PLEKHM3: variants seen among roughly 807,000 people sequenced by gnomAD.
The protein encoded by PLEKHM3 is pleckstrin homology domain-containing family M member 3.
Under a neutral mutation model 81.8 loss-of-function variants are expected in PLEKHM3, and 45 were observed. The ratio of observed to expected loss-of-function variants is 0.55; its 90% CI spans 0.43 to 0.71. The LOEUF is 0.71. Ranked by LOEUF, PLEKHM3 falls within the 30% of genes least tolerant of loss-of-function variation. PLEKHM3 has a pLI of 0.00. For synonymous variants in PLEKHM3, 352 were observed against 356.4 expected, an observed-to-expected ratio of 0.99 and a Z score of 0.14; for missense variants, 788 against 924.3, an observed-to-expected ratio of 0.85 and a Z score of 1.91.
At chr2:208,015,328 G>A (rs967372016) in intron 1 of PLEKHM3, among the ~76,000 whole-genome samples, 1 of 152,266 alleles carries the variant, frequency 6.6e-6, no homozygotes, top group South Asian at 2.1e-4. Flanking sequence ...TAAAATTTTA[G>A]TACATGAACA....
intron 5 of PLEKHM3, among the ~76,000 whole-genome samples, chr2:207,930,116 A>G (rs1689538308): frequency 6.6e-6 from 1 of 152,200 alleles, no homozygotes; most frequent in Admixed American, 6.5e-5. Flanking sequence ...AACTTTAAGG[A>G]TCTGAGCCTG....
At chr2:207,838,023 C>T (rs561576123) in intron 7 of PLEKHM3, among the ~76,000 whole-genome samples, 3 of 152,006 alleles carry the variant, frequency 2.0e-5, no homozygotes, top group African/African-American at 4.8e-5. Context: ...CCGCCCGCCT[C>T]GGCCTCCCAA....
At chr2:207,970,115 C>T (rs1691060926) in intron 3 of PLEKHM3, among the ~76,000 whole-genome samples, 1 of 152,208 alleles carries the variant, frequency 6.6e-6, no homozygotes, top group Middle Eastern at 3.4e-3. Context: ...TCCTACAATT[C>T]TAATTGCCCT....
At chr2:207,941,915 A>G (rs1236025234) in intron 4 of PLEKHM3, among the ~76,000 whole-genome samples, 1 of 152,254 alleles carries the variant, frequency 6.6e-6, no homozygotes, top group Non-Finnish European at 1.5e-5. Flanking sequence ...CCACAATGAG[A>G]TATCATCTTA....
chr2:207,945,913 C>T (rs1240919680), intron 4 of PLEKHM3, among the ~76,000 whole-genome samples: 1 of 148,418 alleles, frequency 6.7e-6, no homozygotes, highest in Non-Finnish European at 1.5e-5. Context: ...AAAAAAAAAG[C>T]CGACACAAAC....
intron 5 of PLEKHM3, among the ~76,000 whole-genome samples, chr2:207,914,639 G>A (rs1688924198): frequency 6.7e-6 from 1 of 150,002 alleles, no homozygotes; most frequent in Non-Finnish European, 1.5e-5. Flanking sequence ...CCATGATCAT[G>A]CCACTGTAGT....
At chr2:208,009,707 C>A (rs554692783) in intron 1 of PLEKHM3, among the ~76,000 whole-genome samples, 1 of 152,228 alleles carries the variant, frequency 6.6e-6, no homozygotes, top group South Asian at 2.1e-4. Flanking sequence ...CTCACTGGGC[C>A]TAGAACTGTG....
Position 207,976,963 on chromosome 2 carries a change from C to G in PLEKHM3, c.1234G>C (p.Ala412Pro). The stretch of plus-strand genomic sequence containing the variant: ...CCATCCAGGTTGTCCATCTGGACAG[C>G]CAGACACACGTCCACGTTGTAGCTC... ...LLSYNVDVCL[A>P]VQMDNLDGCD... is the part of the protein sequence containing the mutation. The change falls in exon 3 of 8, where the codon GCT (alanine) becomes CCT (proline). Residue 412 changes from alanine to proline, a missense_variant. Ala to Pro is a conservative substitution (Grantham distance 27, BLOSUM62 -1). Coordinates refer to ENST00000427836, the MANE Select transcript of PLEKHM3 (RefSeq NM_001080475.3). This position sits in a 1 kb window ranked among gnomAD's most constrained non-coding sequence, Gnocchi z 4.1. 12 of 1,614,194 alleles carry G rather than the reference C, an allele frequency of 7.4e-6. No homozygotes were observed. Among genetic ancestry groups the G allele is most frequent in the Non-Finnish European group, 9.3e-6 (11 of 1,180,024 alleles).
At chr2:207,865,176 A>C (rs2092488761) in intron 6 of PLEKHM3, among the ~76,000 whole-genome samples, 1 of 152,230 alleles carries the variant, frequency 6.6e-6, no homozygotes, top group Non-Finnish European at 1.5e-5. Flanking sequence ...GTAAGAATCA[A>C]ACTGGAACTT....
chr2:207,935,595 C>A (rs1002270573), intron 4 of PLEKHM3, among the ~76,000 whole-genome samples: 3 of 152,174 alleles, frequency 2.0e-5, no homozygotes, highest in Non-Finnish European at 4.4e-5. Context: ...TTGAGAAACA[C>A]TGAACTAATC....
At chr2:207,875,817 AAACAACAAC>A (rs368508005) in intron 6 of PLEKHM3, among the ~76,000 whole-genome samples, 3 of 151,896 alleles carry the variant, frequency 2.0e-5, no homozygotes, top group Non-Finnish European at 2.9e-5. Context: ...TAAAAAAAGC[AAACAACAAC>A]AACAACAACA....
intron 2 of PLEKHM3, among the ~76,000 whole-genome samples, chr2:207,984,557 T>A (rs1026417583): frequency 6.6e-6 from 1 of 152,202 alleles, no homozygotes; most frequent in Non-Finnish European, 1.5e-5. Context: ...GTTTTTGTAT[T>A]TTTAGTAGAG....
At chr2:207,919,801 T>A (rs894344464) in intron 5 of PLEKHM3, among the ~76,000 whole-genome samples, 3 of 152,288 alleles carry the variant, frequency 2.0e-5, no homozygotes, top group East Asian at 3.9e-4. Flanking sequence ...GTGAACTCAC[T>A]AGAAAGATAG....
chr2:207,902,933 TA>T (rs1188641442), intron 6 of PLEKHM3, among the ~76,000 whole-genome samples: 1 of 151,630 alleles, frequency 6.6e-6, no homozygotes, highest in East Asian at 1.9e-4. Flanking sequence ...ATTGCTTTAG[TA>T]TAAAACAAAC....
intron 3 of PLEKHM3, among the ~76,000 whole-genome samples, chr2:207,970,976 G>T (rs13025100): frequency 0.45 from 68,727 of 152,152 alleles, 18,794 homozygotes; most frequent in Non-Finnish European, 0.59. Context: ...AGTGAAAATG[G>T]TGTAGGGGAT....
At chr2:207,881,546 G>T (rs1226062587) in intron 6 of PLEKHM3, among the ~76,000 whole-genome samples, 1 of 152,198 alleles carries the variant, frequency 6.6e-6, no homozygotes, top group Non-Finnish European at 1.5e-5. Context: ...CTGCCATGCT[G>T]CCTGGAGCGT....
At chr2:207,962,373 G>T (rs1289453729) in intron 3 of PLEKHM3, among the ~76,000 whole-genome samples, 1 of 152,210 alleles carries the variant, frequency 6.6e-6, no homozygotes, top group Non-Finnish European at 1.5e-5. Context: ...GATGCAGCCT[G>T]ATTCCACAGA....
intron 6 of PLEKHM3, among the ~76,000 whole-genome samples, chr2:207,898,200 T>A (rs1688304079): frequency 6.6e-6 from 1 of 152,222 alleles, no homozygotes; most frequent in Admixed American, 6.5e-5. Flanking sequence ...CTGTGTTTTG[T>A]TTGGCCTGCA....
chr2:207,993,664 T>G (rs564824177), intron 2 of PLEKHM3, among the ~76,000 whole-genome samples: 1 of 151,912 alleles, frequency 6.6e-6, no homozygotes, highest in Non-Finnish European at 1.5e-5. Flanking sequence ...AATACAGGCA[T>G]AGGAATGGTA....
Sources: allele counts gnomAD v4.1 joint callset (sites outside exome capture counted in the v4.1 genomes callset), GRCh38; gene constraint gnomAD v4.1.1; non-coding constraint Gnocchi (gnomAD v3.1); transcripts MANE v1.5; gene names NCBI Gene and HGNC (gene_info 2026-07-23, HGNC 2026-07-21).